USP16: variants seen among roughly 807,000 people sequenced by gnomAD.
USP16 encodes ubiquitin carboxyl-terminal hydrolase 16.
Under a neutral mutation model 95.9 loss-of-function variants are expected in USP16, and 77 were observed. The observed-to-expected ratio is 0.80, with a 90% CI of 0.67 to 0.97. The LOEUF (loss-of-function observed/expected upper bound fraction) is 0.97. Ranked by LOEUF, USP16 falls within the 50% of genes least tolerant of loss-of-function variation. USP16 has a pLI of 0.00. For synonymous variants in USP16, 303 were observed against 318.2 expected, an observed-to-expected ratio of 0.95 and a Z score of 0.51; for missense variants, 943 against 959.9, an observed-to-expected ratio of 0.98 and a Z score of 0.23.
chr21:29,032,507 TA>T (rs2085092598), intron 3 of USP16, among the ~76,000 whole-genome samples: 1 of 152,142 alleles, frequency 6.6e-6, no homozygotes, highest in Non-Finnish European at 1.5e-5. Context: ...GCTAAGATGA[TA>T]GGTGTGAGCC....
At chr21:29,043,635 T>C in intron 13 of USP16, 36 bp downstream of exon 13, 1 of 1,474,820 alleles carries the variant, frequency 6.8e-7, no homozygotes, top group Non-Finnish European at 9.0e-7. Context: ...TGCTTGTAAT[T>C]TTATATTTTG....
Position 29,054,389 on chromosome 21 carries a change from T to A in USP16, c.*202T>A. The A allele has an allele frequency of 1.4e-6, 1 of 692,870 alleles. No homozygotes were observed. Among genetic ancestry groups the A allele is most frequent in the Non-Finnish European group, 2.2e-6 (1 of 445,430 alleles). The allele number at this position is 692,870 out of a possible 1,614,324, so 42.9% of individuals were successfully genotyped here. On this transcript the variant is annotated 3_prime_UTR_variant, in exon 18 of 18. Transcript: ENST00000399976. ...TTGTCATAGTGGTTTTTATTCCTGC[T>A]TTGTTTCTGGAAAGGAAATCCTGAA...
Position 29,034,951 on chromosome 21 carries a change from G to A in USP16, c.344+11G>A. Reference sequence around the variant, plus strand: ...CAACTGGAGTGTATGGTGAGTTTCAGTTCCTCTGCCTCTTGGGTGGAAATT... The same window carrying A: ...CAACTGGAGTGTATGGTGAGTTTCAATTCCTCTGCCTCTTGGGTGGAAATT... On this transcript the variant is annotated intron_variant, in intron 4 of 17. Coordinates refer to ENST00000399976, the MANE Select transcript of USP16 (RefSeq NM_006447.3). The A allele has an allele frequency of 1.2e-6, 2 of 1,606,808 alleles. No homozygotes were observed. The highest frequency in any genetic ancestry group is 1.7e-4 in the Middle Eastern group (1 of 6,036).
rs118148152 is a variant in USP16 at position 29,039,588 on chromosome 21, T to C, written c.951+20T>C. 283 of 1,601,788 alleles carry C rather than the reference T, an allele frequency of 1.8e-4. No individual in the cohort carries two copies. In the Middle Eastern group the frequency reaches 1.8e-3, roughly 10 times the overall value. The stretch of plus-strand genomic sequence containing the variant: ...CACCAAGTTAGCATGTTATGACCAT[T>C]GTATTTTATGATCTTATCTTCATAA... On this transcript the variant is annotated intron_variant, in intron 9 of 17. Coordinates refer to ENST00000399976, the MANE Select transcript of USP16 (RefSeq NM_006447.3).
chr21:29,025,107 T>A lies in USP16; in HGVS notation c.-42+330T>A, dbSNP rs74909163. Among the ~76,000 whole-genome samples, 1,055 of 152,214 alleles carry A rather than the reference T, an allele frequency of 6.9e-3. 51 individuals carry two copies. Among genetic ancestry groups the A allele is most frequent in the Admixed American group, 0.06 (912 of 15,288 alleles). On this transcript the variant is annotated intron_variant, in intron 1 of 17. Coordinates refer to ENST00000399976, the MANE Select transcript of USP16 (RefSeq NM_006447.3). ...GTGGCGCGTGGCAGGGACTTCCCTA[T>A]GGGTTGGAGCTGGATTTGCAGCCGT...
In USP16 at chr21:29,027,882, T is replaced by C. The variant is rs2085016690; in HGVS notation, c.-32T>C. The C allele has an allele frequency of 6.2e-7, 1 of 1,612,810 alleles. No individual in the cohort carries two copies. Among genetic ancestry groups the C allele is most frequent in the Admixed American group, 1.7e-5 (1 of 59,994 alleles). ...TTATCTTGTTTTCTAGATTGTTATT[T>C]TGTGTCAGTAAGTAATCCATAAAGT... On this transcript the variant is annotated 5_prime_UTR_variant, in exon 2 of 18. Transcript: ENST00000399976.
intron 14 of USP16, 125 bp downstream of exon 14, chr21:29,047,446 A>G: frequency 1.8e-6 from 2 of 1,092,674 alleles, no homozygotes; most frequent in East Asian, 2.6e-5. Flanking sequence ...TTCTGTGTAA[A>G]TATTTTAATA....
chr21:29,043,630 G>A (rs1380613456), intron 13 of USP16, 31 bp downstream of exon 13: 1 of 1,478,744 alleles, frequency 6.8e-7, no homozygotes, highest in East Asian at 2.5e-5. Flanking sequence ...TCATATGCTT[G>A]TAATTTTATA....
chr21:29,026,464 A>G (rs1429062992), intron 1 of USP16: 4 of 151,606 alleles, frequency 2.6e-5, no homozygotes, highest in Middle Eastern at 3.4e-3. Context: ...TCAAAAAAAA[A>G]AAAAAAAAAA....
At chr21:29,042,575 A>T in intron 12 of USP16, 47 bp downstream of exon 12, 2 of 1,530,738 alleles carry the variant, frequency 1.3e-6, no homozygotes, top group Non-Finnish European at 1.8e-6. Context: ...TTTTTCCTGT[A>T]AGATTTTGTG....
chr21:29,027,980 T>G lies in USP16; in HGVS notation c.61+6T>G. On this transcript the variant is annotated splice_donor_region_variant and intron_variant, in intron 2 of 17. Transcript: ENST00000399976. ...TGATTCCTCTGAAACTTTAGGTATA[T>G]TTCATTGATTGAATCTTTAATGTTT... 1.3e-6 allele frequency: 2 copies of G among 1,598,100 alleles called. No homozygotes were observed. The highest frequency in any genetic ancestry group is 1.7e-6 in the Non-Finnish European group (2 of 1,165,914).
intron 9 of USP16, 143 bp downstream of exon 9, chr21:29,039,711 A>G (rs2085216367): frequency 9.4e-6 from 6 of 640,862 alleles, no homozygotes; most frequent in Non-Finnish European, 1.5e-5. Flanking sequence ...AGCTTTTTCA[A>G]CTAGTATGTT....
intron 4 of USP16, 107 bp downstream of exon 4, chr21:29,035,047 T>C: frequency 9.8e-7 from 1 of 1,016,368 alleles, no homozygotes; most frequent in South Asian, 1.7e-5. Flanking sequence ...TTTTGTAGTA[T>C]GTTTTAAAAT....
rs2085252982 is a variant in USP16 at position 29,042,093 on chromosome 21, C to G, written c.1111C>G (p.Gln371Glu). The change falls in exon 11 of 18, where the codon CAA (glutamine) becomes GAA (glutamate). Residue 371 changes from glutamine (Q) to glutamate (E), a missense_variant. By Grantham distance (29) the Gln-to-Glu change is conservative. Transcript: ENST00000399976. Reference protein sequence around the residue: ...GELTSMIMCDQCRTVSLVHES... With the variant: ...GELTSMIMCDECRTVSLVHES... ...ACTAACTAGTATGATCATGTGTGATCAATGCAGAACTGTAAGTAGATGTCA... is the reference window on the plus strand; with the variant it reads ...ACTAACTAGTATGATCATGTGTGATGAATGCAGAACTGTAAGTAGATGTCA... 3 of 1,611,820 alleles carry G rather than the reference C, an allele frequency of 1.9e-6. No individual in the cohort carries two copies. The highest frequency in any genetic ancestry group is 1.7e-6 in the Non-Finnish European group (2 of 1,178,996).
At chr21:29,040,388 C>G (rs890959424) in intron 9 of USP16, among the ~76,000 whole-genome samples, 1 of 152,102 alleles carries the variant, frequency 6.6e-6, no homozygotes, top group African/African-American at 2.4e-5. Flanking sequence ...GGTTTAAGAT[C>G]TTGAAATGAT....
intron 4 of USP16, among the ~76,000 whole-genome samples, chr21:29,035,627 C>T (rs926583331): frequency 3.9e-5 from 6 of 152,024 alleles, no homozygotes; most frequent in African/African-American, 1.2e-4. Flanking sequence ...TTGTGATCCG[C>T]ATGCCTCAGC....
At chr21:29,038,927 G>T in intron 7 of USP16, 99 bp from the exon 8 acceptor site, 1 of 1,246,766 alleles carries the variant, frequency 8.0e-7, no homozygotes, top group East Asian at 2.7e-5. Context: ...GGGCAGTTCT[G>T]TCAGGAACAT....
At chr21:29,043,796 CT>C (rs1568894283) in intron 13 of USP16, among the ~76,000 whole-genome samples, 197 bp downstream of exon 13, 1 of 151,244 alleles carries the variant, frequency 6.6e-6, no homozygotes, top group Non-Finnish European at 1.5e-5. Flanking sequence ...CGTCGTGCTT[CT>C]TTTTTTTTAA....
rs776738445 is a variant in USP16, at chr21:29,036,345, A to G, written c.419A>G (p.Lys140Arg). The G allele has an allele frequency of 1.9e-6, 3 of 1,613,848 alleles. No individual in the cohort carries two copies. The highest frequency in any genetic ancestry group is 1.3e-5 in the African/African-American group (1 of 74,908). The change falls in exon 5 of 18, where the codon AAA becomes AGA. Residue 140 changes from lysine (K) to arginine (R), a missense_variant. By Grantham distance (26) the Lys-to-Arg change is conservative. Coordinates refer to ENST00000399976, the MANE Select transcript of USP16 (RefSeq NM_006447.3). The stretch of plus-strand genomic sequence containing the variant: ...GGTCAAGTGGTTGATTATGTCAGAA[A>G]ACAAGCCAGCATTACAACTCCAAAG... Reference protein sequence around the residue: ...QLGQVVDYVRKQASITTPKPA... With the variant: ...QLGQVVDYVRRQASITTPKPA...
Sources: gnomAD v4.1 joint callset for allele counts (sites outside exome capture counted in the v4.1 genomes callset) on GRCh38, gnomAD v4.1.1 for gene constraint, MANE v1.5 for transcripts, NCBI Gene and HGNC (gene_info 2026-07-23, HGNC 2026-07-21) for gene names.